PRKG1: variants seen among roughly 807,000 people sequenced by gnomAD.
The protein encoded by PRKG1 is cGMP-dependent protein kinase 1.
In PRKG1, 35 loss-of-function variants were observed where a neutral mutation model predicts 88.1. That is an observed-to-expected ratio of 0.40 (90% CI 0.30 to 0.53). The LOEUF is 0.53. Among genes scored for constraint, PRKG1 ranks in the 20% least tolerant of loss-of-function variants. The probability of loss-of-function intolerance (pLI) is 0.59; values close to 1 mark genes in which losing one functional copy is unlikely to be tolerated. For missense variants in PRKG1, 540 were observed against 839.8 expected (o/e 0.64, Z 4.41); for synonymous variants, 303 against 292.5 (o/e 1.04, Z -0.37).
chr10:51,962,682 G>A (rs145068120), intron 5 of PRKG1, among the ~76,000 whole-genome samples: 3 of 152,180 alleles, frequency 2.0e-5, no homozygotes, highest in African/African-American at 7.2e-5. Flanking sequence ...TACCTTTCAA[G>A]GACAGCATAT....
chr10:51,368,581 T>G (rs1842636790), intron 2 of PRKG1, among the ~76,000 whole-genome samples: 1 of 152,094 alleles, frequency 6.6e-6, no homozygotes, highest in Non-Finnish European at 1.5e-5. Context: ...AAATGATAGC[T>G]GACCTAATTT....
intron 3 of PRKG1, among the ~76,000 whole-genome samples, chr10:51,727,272 T>A (rs1433151121): frequency 6.9e-6 from 1 of 145,898 alleles, no homozygotes; most frequent in Non-Finnish European, 1.5e-5. Context: ...AAGACCCCAT[T>A]GCAAAAAAAA....
chr10:52,211,689 C>T (rs1221187116), intron 9 of PRKG1, among the ~76,000 whole-genome samples: 2 of 135,786 alleles, frequency 1.5e-5, no homozygotes, highest in African/African-American at 5.7e-5. Flanking sequence ...TACACAAATA[C>T]CTATCCTGGT....
intron 1 of PRKG1, among the ~76,000 whole-genome samples, chr10:51,036,279 ATACTGC>A (rs1458244121): frequency 1.3e-5 from 2 of 152,212 alleles, no homozygotes; most frequent in African/African-American, 2.4e-5. Context: ...AGTTTGAAGT[ATACTGC>A]TTGGCTGGTA....
At chr10:51,152,758 A>G (rs1376908480) in intron 1 of PRKG1, among the ~76,000 whole-genome samples, 1 of 152,026 alleles carries the variant, frequency 6.6e-6, no homozygotes, top group East Asian at 1.9e-4. Context: ...AAATATAAAC[A>G]GTAGTAATAG....
At chr10:51,614,915 TCATCTTTGAATATATC>T (rs1189306000) in intron 3 of PRKG1, among the ~76,000 whole-genome samples, 1 of 151,990 alleles carries the variant, frequency 6.6e-6, no homozygotes, top group Non-Finnish European at 1.5e-5. Flanking sequence ...TTTTTCTCTT[TCATCTTTGAATATATC>T]CATCTTTGAA....
intron 1 of PRKG1, among the ~76,000 whole-genome samples, chr10:51,141,089 C>T (rs1222220819): frequency 2.0e-5 from 3 of 152,150 alleles, no homozygotes; most frequent in African/African-American, 7.2e-5. Context: ...CCCACAACCT[C>T]GGGGACCAAC....
Position 52,134,554 on chromosome 10 carries a change from G to A in PRKG1, c.1001+649G>A, listed in dbSNP as rs147523042. On this transcript the variant is annotated intron_variant, in intron 8 of 17. Transcript: ENST00000373980. ...CAGATTATTGATTCTCCAAGAGCAT[G>A]GTTAAAATGCATATGTACTTTCTGG... Among the ~76,000 whole-genome samples, 399 of 152,232 alleles carry A rather than the reference G, an allele frequency of 2.6e-3. 5 individuals carry two copies. The highest frequency in any genetic ancestry group is 9.0e-3 in the African/African-American group (374 of 41,554).
At chr10:51,470,580 G>T (rs1459579909) in intron 3 of PRKG1, among the ~76,000 whole-genome samples, 2 of 151,810 alleles carry the variant, frequency 1.3e-5, no homozygotes, top group Admixed American at 1.3e-4. Context: ...CTAAATCCTA[G>T]GTAGCATTCA....
intron 4 of PRKG1, among the ~76,000 whole-genome samples, 171 bp from the exon 5 acceptor site, chr10:51,907,336 T>A (rs1369001448): frequency 6.6e-6 from 1 of 152,040 alleles, no homozygotes; most frequent in Non-Finnish European, 1.5e-5. Context: ...GATCTTCATC[T>A]GCAACTTTGT....
chr10:51,933,601 G>A (rs1589433459), intron 5 of PRKG1, among the ~76,000 whole-genome samples: 1 of 149,428 alleles, frequency 6.7e-6, no homozygotes, highest in Non-Finnish European at 1.5e-5. Flanking sequence ...CCTAATTCTA[G>A]TTCTTAAATT....
intron 7 of PRKG1, among the ~76,000 whole-genome samples, chr10:52,113,342 A>T (rs1201923193): frequency 1.3e-5 from 2 of 152,114 alleles, no homozygotes; most frequent in Non-Finnish European, 2.9e-5. Flanking sequence ...GGCTTCTTAC[A>T]TATTTTAGAC....
chr10:51,529,299 A>G (rs1280850249), intron 3 of PRKG1, among the ~76,000 whole-genome samples: 1 of 151,872 alleles, frequency 6.6e-6, no homozygotes, highest in African/African-American at 2.4e-5. Flanking sequence ...CTTTCATTCC[A>G]CTCTAACCAT....
chr10:51,411,726 C>T (rs1270422169), intron 2 of PRKG1, among the ~76,000 whole-genome samples: 1 of 152,126 alleles, frequency 6.6e-6, no homozygotes, highest in Non-Finnish European at 1.5e-5. Flanking sequence ...TTATATTTTT[C>T]CTTCAGCCAG....
At chr10:51,869,885 A>G (rs974100613) in intron 4 of PRKG1, among the ~76,000 whole-genome samples, 2 of 152,122 alleles carry the variant, frequency 1.3e-5, no homozygotes, top group African/African-American at 2.4e-5. Context: ...AAGTATTACT[A>G]CTCTGGAAAG....
At chr10:51,668,025 A>G (rs1375212861) in intron 3 of PRKG1, among the ~76,000 whole-genome samples, 1 of 152,056 alleles carries the variant, frequency 6.6e-6, no homozygotes. Flanking sequence ...CATAAAATTT[A>G]GGTCAACACA....
chr10:51,020,454 G>C (rs377752864), intron 1 of PRKG1, among the ~76,000 whole-genome samples: 7 of 152,162 alleles, frequency 4.6e-5, no homozygotes, highest in African/African-American at 1.7e-4. Context: ...AGATGCTTAG[G>C]CTGCATCAAA....
chr10:51,964,964 A>C (rs1843532088), intron 5 of PRKG1, among the ~76,000 whole-genome samples: 1 of 152,214 alleles, frequency 6.6e-6, no homozygotes, highest in Non-Finnish European at 1.5e-5. Context: ...GAAACCCAAA[A>C]AACTGAAGCT....
At chr10:51,116,448 G>A (rs963990552) in intron 1 of PRKG1, among the ~76,000 whole-genome samples, 4 of 152,118 alleles carry the variant, frequency 2.6e-5, no homozygotes, top group African/African-American at 9.7e-5. Context: ...GACTAATCCT[G>A]GAAGGACATT....
Sources: gnomAD v4.1 joint callset for allele counts (sites outside exome capture counted in the v4.1 genomes callset) on GRCh38, gnomAD v4.1.1 for gene constraint, MANE v1.5 for transcripts, NCBI Gene and HGNC (gene_info 2026-07-23, HGNC 2026-07-21) for gene names.